Variants in PSEN1 observed in about 807,000 individuals in gnomAD.
The protein encoded by PSEN1 is presenilin-1.
PSEN1 carries 15 observed loss-of-function variants against 53.5 expected under a neutral mutation model. The observed-to-expected ratio is 0.28, with a 90% CI of 0.19 to 0.43. The LOEUF (loss-of-function observed/expected upper bound fraction) is 0.43. Ranked by LOEUF, PSEN1 falls within the 20% of genes least tolerant of loss-of-function variation. The pLI, the probability that PSEN1 is intolerant of heterozygous loss-of-function variation, is 1.00. For missense variants in PSEN1, 387 were observed against 571.2 expected (o/e 0.68, Z 3.29); for synonymous variants, 208 against 209.8 (o/e 0.99, Z 0.08).
At chr14:73,196,325 A>G (rs1465197847) in intron 7 of PSEN1, among the ~76,000 whole-genome samples, 2 of 151,908 alleles carry the variant, frequency 1.3e-5, no homozygotes, top group Non-Finnish European at 2.9e-5. Flanking sequence ...TCATTCAAAC[A>G]AATTGAGGTA....
intron 3 of PSEN1, among the ~76,000 whole-genome samples, chr14:73,161,620 C>G (rs1013850795): frequency 6.6e-6 from 1 of 152,156 alleles, no homozygotes; most frequent in African/African-American, 2.4e-5. Context: ...TAGTCCTCTC[C>G]CAGTGGAGTT....
At chr14:73,182,929 A>G (rs1405514396) in intron 5 of PSEN1, among the ~76,000 whole-genome samples, 1 of 152,222 alleles carries the variant, frequency 6.6e-6, no homozygotes, top group Non-Finnish European at 1.5e-5. Context: ...AGCATCTCTC[A>G]AGAATGATGA....
chr14:73,210,368 A>G (rs1468945876), intron 9 of PSEN1, among the ~76,000 whole-genome samples: 3 of 152,250 alleles, frequency 2.0e-5, no homozygotes, highest in African/African-American at 7.2e-5. Flanking sequence ...GCTGAATTTA[A>G]TATAAGGTTA....
intron 3 of PSEN1, 29 bp from the exon 4 acceptor site, chr14:73,170,768 T>G (rs1208189037): frequency 6.2e-7 from 1 of 1,613,344 alleles, no homozygotes; most frequent in South Asian, 1.1e-5. Flanking sequence ...GAATCTGATT[T>G]ACTGAAAATG....
At chr14:73,215,394 G>T (rs779562506) in intron 10 of PSEN1, among the ~76,000 whole-genome samples, 1 of 150,770 alleles carries the variant, frequency 6.6e-6, no homozygotes, top group Non-Finnish European at 1.5e-5. Context: ...GACCAGCCTG[G>T]CCAACATGGT....
intron 5 of PSEN1, among the ~76,000 whole-genome samples, chr14:73,179,375 G>A (rs1279684402): frequency 6.6e-6 from 1 of 152,192 alleles, no homozygotes; most frequent in Non-Finnish European, 1.5e-5. Context: ...CTAACACTTT[G>A]GGAGGCCAAG....
At chr14:73,184,648 A>AC (rs1308541021) in intron 5 of PSEN1, among the ~76,000 whole-genome samples, 7 of 68,344 alleles carry the variant, frequency 1.0e-4, no homozygotes, top group Admixed American at 5.3e-4. Flanking sequence ...CGGGGGGCTG[A>AC]CCCCCCCACC....
In PSEN1 at chr14:73,137,498, A is replaced by G. The variant is rs1161914527; in HGVS notation, c.-136+915A>G. Among the ~76,000 whole-genome samples the G allele has an allele frequency of 2.0e-5, 3 of 152,208 alleles. No individual in the cohort carries two copies. The South Asian group carries it at 6.2e-4, about 31-fold the overall frequency. ...AACAGGACTGGAGCTGAAAACAGGA[A>G]TCAATTCCATAGATTTCCAGTTGAT... On this transcript the variant is annotated intron_variant, in intron 1 of 11. Transcript: ENST00000324501.
chr14:73,157,339 G>C (rs868350851), intron 3 of PSEN1, among the ~76,000 whole-genome samples: 1 of 150,794 alleles, frequency 6.6e-6, no homozygotes, highest in Non-Finnish European at 1.5e-5. Flanking sequence ...GGGTTTCACC[G>C]TGTTGGCCAG....
chr14:73,197,892 A>G (rs1365256378), intron 7 of PSEN1, 139 bp from the exon 8 acceptor site: 4 of 635,210 alleles, frequency 6.3e-6, no homozygotes, highest in Non-Finnish European at 8.5e-6. Flanking sequence ...CATTTATTTC[A>G]TATTCATTCA....
At chr14:73,205,252 G>A (rs1258984387) in intron 8 of PSEN1, among the ~76,000 whole-genome samples, 1 of 152,040 alleles carries the variant, frequency 6.6e-6, no homozygotes, top group African/African-American at 2.4e-5. Flanking sequence ...TGAGGCGGGC[G>A]GATCACGAGG....
chr14:73,140,081 T>C (rs999953849), intron 1 of PSEN1, among the ~76,000 whole-genome samples: 2 of 152,188 alleles, frequency 1.3e-5, no homozygotes, highest in South Asian at 4.1e-4. Context: ...TATAGAGTTA[T>C]TGAAATTAAA....
intron 3 of PSEN1, chr14:73,167,805 T>A (rs1299368066): frequency 6.7e-6 from 1 of 150,244 alleles, no homozygotes; most frequent in Non-Finnish European, 1.5e-5. Context: ...GTTAAATCAC[T>A]CTCTATTGCA....
chr14:73,139,495 G>A (rs1390100610), intron 1 of PSEN1: 1 of 151,822 alleles, frequency 6.6e-6, no homozygotes, highest in East Asian at 1.9e-4. Context: ...CAGGAGAATC[G>A]CTTGAACCCA....
In PSEN1 at chr14:73,217,111, AC is replaced by A. The variant is rs748488045; in HGVS notation, c.1130-13del. The A allele has an allele frequency of 6.2e-7, 1 of 1,613,694 alleles. No individual in the cohort carries two copies. The highest frequency in any genetic ancestry group is 2.2e-5 in the East Asian group (1 of 44,882). On this transcript the variant is annotated splice_polypyrimidine_tract_variant and intron_variant, in intron 10 of 11. Coordinates refer to ENST00000324501, the MANE Select transcript of PSEN1 (RefSeq NM_000021.4). ...AGTGACCAACTTTTTAATATTTGTA[AC>A]CTTTCCTTTTTAGGGGGAGTAAAAC... is the stretch of plus-strand genomic sequence containing the variant.
At chr14:73,202,230 T>C (rs1218266629) in intron 8 of PSEN1, among the ~76,000 whole-genome samples, 3 of 149,476 alleles carry the variant, frequency 2.0e-5, no homozygotes, top group African/African-American at 7.4e-5. Context: ...TTCCATATTT[T>C]TAGTTGAGCC....
intron 7 of PSEN1, among the ~76,000 whole-genome samples, chr14:73,197,002 G>A (rs1390527739): frequency 1.4e-5 from 2 of 143,564 alleles, no homozygotes; most frequent in Non-Finnish European, 1.5e-5. Context: ...GCGCAATCTC[G>A]GCGCACTGCA....
intron 5 of PSEN1, among the ~76,000 whole-genome samples, chr14:73,183,568 AC>A (rs1241390821): frequency 2.6e-5 from 4 of 152,138 alleles, no homozygotes; most frequent in Non-Finnish European, 5.9e-5. Context: ...AATCCATTCA[AC>A]CCTGAGTGGA....
intron 6 of PSEN1, 88 bp downstream of exon 6, chr14:73,187,008 G>T: frequency 9.4e-7 from 1 of 1,061,126 alleles, no homozygotes; most frequent in South Asian, 1.3e-5. Flanking sequence ...CTTTGTTGAT[G>T]AATTACTCTG....
Sources: gnomAD v4.1 joint callset for allele counts (sites outside exome capture counted in the v4.1 genomes callset) on GRCh38, gnomAD v4.1.1 for gene constraint, MANE v1.5 for transcripts, NCBI Gene and HGNC (gene_info 2026-07-23, HGNC 2026-07-21) for gene names.